Variants in ATF6 observed in about 807,000 individuals in gnomAD.
The protein encoded by ATF6 is activating transcription factor 6.
ATF6 carries 53 observed loss-of-function variants against 83.6 expected under a neutral mutation model. The observed-to-expected ratio is 0.63, with a 90% CI of 0.51 to 0.80. The LOEUF (loss-of-function observed/expected upper bound fraction) is 0.80, where lower values mean the gene tolerates loss of function less well. ATF6 is among the 30% of genes least tolerant of loss of function. The pLI, the probability that ATF6 is intolerant of heterozygous loss-of-function variation, is 0.00. For synonymous variants in ATF6, 288 were observed against 285.8 expected (o/e 1.01, Z -0.08); for missense variants, 744 against 797.9 (o/e 0.93, Z 0.81).
intron 10 of ATF6, among the ~76,000 whole-genome samples, chr1:161,850,938 A>G (rs1297723334): frequency 1.3e-5 from 2 of 152,150 alleles, no homozygotes; most frequent in African/African-American, 2.4e-5. Flanking sequence ...CACACCTTGG[A>G]TATGAATTCA....
intron 6 of ATF6, among the ~76,000 whole-genome samples, chr1:161,800,412 A>T (rs904088419): frequency 4.6e-5 from 7 of 152,206 alleles, no homozygotes; most frequent in African/African-American, 1.7e-4. Context: ...CACAGTTGTC[A>T]CTATCTCCTG....
At chr1:161,856,770 C>T (rs1686775122) in intron 12 of ATF6, among the ~76,000 whole-genome samples, 1 of 151,944 alleles carries the variant, frequency 6.6e-6, no homozygotes, top group Non-Finnish European at 1.5e-5. Flanking sequence ...TTTTTCTTTC[C>T]TAGTCATTAA....
intron 9 of ATF6, among the ~76,000 whole-genome samples, chr1:161,821,365 T>C (rs1685756976): frequency 6.6e-6 from 1 of 152,168 alleles, no homozygotes; most frequent in African/African-American, 2.4e-5. Flanking sequence ...TATAATGTGA[T>C]GAACATAATA....
At position 161,880,815 on chromosome 1, in the gene ATF6, C is replaced by G. The variant is rs1353290024; in HGVS notation, c.1719+17503C>G. ...GGCATATGTTTAGCTTTTTAAGAAA[C>G]TACCAAACTACTTTGGTACAAGTGG... On this transcript the variant is annotated intron_variant, in intron 14 of 15. Coordinates refer to ENST00000367942, the MANE Select transcript of ATF6 (RefSeq NM_007348.4). Among the ~76,000 whole-genome samples the G allele has an allele frequency of 3.9e-5, 6 of 152,206 alleles. No individual in the cohort carries two copies. The East Asian group carries it at 9.7e-4, about 25-fold the overall frequency.
At chr1:161,905,424 C>G (rs888331364) in intron 14 of ATF6, among the ~76,000 whole-genome samples, 1 of 152,124 alleles carries the variant, frequency 6.6e-6, no homozygotes, top group African/African-American at 2.4e-5. Context: ...AACTTGTTGA[C>G]TCAATTTACT....
At chr1:161,940,568 T>C (rs1323875249) in intron 15 of ATF6, among the ~76,000 whole-genome samples, 3 of 147,914 alleles carry the variant, frequency 2.0e-5, no homozygotes, top group Non-Finnish European at 4.5e-5. Context: ...TCTTTTTTTT[T>C]TTTTTTTTGA....
intron 1 of ATF6, among the ~76,000 whole-genome samples, chr1:161,768,517 G>C (rs1309101926): frequency 6.6e-6 from 1 of 152,160 alleles, no homozygotes; most frequent in Non-Finnish European, 1.5e-5. Context: ...GACAGTTGCT[G>C]TTTTGGATGT....
chr1:161,886,107 G>T (rs1044970240), intron 14 of ATF6, among the ~76,000 whole-genome samples: 17 of 152,194 alleles, frequency 1.1e-4, no homozygotes, highest in Non-Finnish European at 4.4e-5. Flanking sequence ...GAGTAGGGTA[G>T]AGAGTAGGAG....
chr1:161,802,617 A>G (rs1028668655), intron 7 of ATF6, among the ~76,000 whole-genome samples: 7 of 152,222 alleles, frequency 4.6e-5, no homozygotes, highest in South Asian at 2.1e-4. Flanking sequence ...TACAGATTCA[A>G]CGTTTCCTGA....
Position 161,803,177 on chromosome 1 carries a change from A to C in ATF6, c.909+905A>C, listed in dbSNP as rs147818864. Among the ~76,000 whole-genome samples the C allele has an allele frequency of 3.0e-4, 46 of 152,292 alleles. No individual in the cohort carries two copies. The East Asian group carries it at 8.3e-3, about 27-fold the overall frequency. On this transcript the variant is annotated intron_variant, in intron 7 of 15. Coordinates refer to ENST00000367942, the MANE Select transcript of ATF6 (RefSeq NM_007348.4). ...GTTATGCAAGGTTGTTTATCAGACT[A>C]CTGTCTGATCTGTCTGCCAGAATTT...
At chr1:161,787,032 T>C (rs1270662193) in intron 4 of ATF6, among the ~76,000 whole-genome samples, 2 of 152,252 alleles carry the variant, frequency 1.3e-5, no homozygotes, top group Non-Finnish European at 2.9e-5. Context: ...GATGTTTCTT[T>C]AGGATCATAT....
intron 7 of ATF6, among the ~76,000 whole-genome samples, chr1:161,807,303 A>G (rs903580426): frequency 3.3e-5 from 5 of 152,232 alleles, no homozygotes; most frequent in African/African-American, 7.2e-5. Flanking sequence ...CAAAACTTCA[A>G]TAGACGTTGA....
chr1:161,908,990 A>G (rs1687933126), intron 14 of ATF6, among the ~76,000 whole-genome samples: 1 of 152,198 alleles, frequency 6.6e-6, no homozygotes, highest in African/African-American at 2.4e-5. Context: ...TCCTTAATTA[A>G]CCATTATGGA....
chr1:161,950,846 C>T (rs922398289), intron 15 of ATF6, among the ~76,000 whole-genome samples: 7 of 152,068 alleles, frequency 4.6e-5, no homozygotes, highest in African/African-American at 1.4e-4. Flanking sequence ...GAAGAAAATA[C>T]GTAATAATTT....
At chr1:161,920,292 C>CTTTTTTTTTTTTT (rs1322896918) in intron 15 of ATF6, among the ~76,000 whole-genome samples, 83 of 19,786 alleles carry the variant, frequency 4.2e-3, no homozygotes, top group Middle Eastern at 0.036. Context: ...CTCTCTCTCT[C>CTTTTTTTTTTTTT]TCTTTTTTTT....
At chr1:161,926,836 C>CAGGTAAAT (rs1688322375) in intron 15 of ATF6, among the ~76,000 whole-genome samples, 1 of 152,026 alleles carries the variant, frequency 6.6e-6, no homozygotes, top group African/African-American at 2.4e-5. Flanking sequence ...TTACCTAGAG[C>CAGGTAAAT]AGGTAAATAA....
intron 14 of ATF6, among the ~76,000 whole-genome samples, chr1:161,885,458 C>T (rs1687400675): frequency 6.6e-6 from 1 of 151,988 alleles, no homozygotes; most frequent in South Asian, 2.1e-4. Flanking sequence ...TGGCATGTTA[C>T]CACAGTCAAA....
intron 15 of ATF6, among the ~76,000 whole-genome samples, chr1:161,926,093 CACAA>C (rs1339277860): frequency 6.6e-6 from 1 of 152,038 alleles, no homozygotes; most frequent in Non-Finnish European, 1.5e-5. Flanking sequence ...AGGGAAGAGG[CACAA>C]ACAGAGTTAC....
chr1:161,880,609 G>A (rs55828249), intron 14 of ATF6, among the ~76,000 whole-genome samples: 3 of 151,850 alleles, frequency 2.0e-5, no homozygotes, highest in Non-Finnish European at 2.9e-5. Flanking sequence ...TCAGTAGTTC[G>A]TCTTTACTGC....
Sources: allele counts gnomAD v4.1 joint callset (sites outside exome capture counted in the v4.1 genomes callset), GRCh38; gene constraint gnomAD v4.1.1; transcripts MANE v1.5; gene names NCBI Gene and HGNC (gene_info 2026-07-23, HGNC 2026-07-21).